The following DERL2 variants were observed in gnomAD, a reference collection of about 807,000 sequenced individuals.
DERL2 encodes the protein derlin-2.
A neutral mutation model predicts 32.0 loss-of-function variants in DERL2; 13 were observed. That is an observed-to-expected ratio of 0.41 (90% CI 0.26 to 0.65). DERL2 has a LOEUF of 0.65. DERL2 is among the 30% of genes least tolerant of loss of function. The probability of loss-of-function intolerance (pLI) is 0.35; values close to 1 mark genes in which losing one functional copy is unlikely to be tolerated. For missense variants in DERL2, 208 were observed against 296.3 expected, an observed-to-expected ratio of 0.70 and a Z score of 2.19; for synonymous variants, 111 against 104.7, an observed-to-expected ratio of 1.06 and a Z score of -0.37.
intron 3 of DERL2, chr17:5,482,285 C>A: frequency 6.4e-6 from 1 of 155,804 alleles, no homozygotes; most frequent in Non-Finnish European, 1.4e-5. Flanking sequence ...AGAGGAATGC[C>A]CTGCTCTGTG....
chr17:5,477,905 C>T (rs888131497), intron 6 of DERL2: 1 of 152,160 alleles, frequency 6.6e-6, no homozygotes, highest in African/African-American at 2.4e-5. Context: ...ACTCCAATAG[C>T]AATGAGCACA....
In DERL2 at chr17:5,480,594, C is replaced by T. The variant is rs777918719; in HGVS notation, c.328-12G>A. On this transcript the variant is annotated splice_polypyrimidine_tract_variant and intron_variant, in intron 4 of 6. Coordinates refer to ENST00000158771, the MANE Select transcript of DERL2 (RefSeq NM_016041.5). The stretch of plus-strand genomic sequence containing the variant: ...AACAGACCAAAAAGCTAGCAGATGG[C>T]ATTAAGGAAAATATCAACATTAAAA... 3 of 1,473,374 alleles carry T rather than the reference C, an allele frequency of 2.0e-6. No individual in the cohort carries two copies. Among genetic ancestry groups the T allele is most frequent in the Admixed American group, 5.3e-5 (2 of 37,758 alleles). 91.3% of individuals were successfully genotyped at this position (1,473,374 alleles called of 1,614,324 possible).
rs114203277 is a variant in DERL2 at position 5,475,219 on chromosome 17, C to G, written c.615-430G>C. On this transcript the variant is annotated intron_variant, in intron 6 of 6. Transcript: ENST00000158771. ...AAGGTATCACCCAAGTGTGCATCAA[C>G]AGGTGAATAAACAAAATACGGTACA... 4.5e-3 allele frequency among the ~76,000 whole-genome samples: 682 copies of G among 151,964 alleles called. 6 individuals are homozygous for G. The highest frequency in any genetic ancestry group is 0.016 in the African/African-American group (643 of 41,444).
upstream of DERL2, chr17:5,486,326 C>T (rs528515753): frequency 1.5e-4 from 74 of 485,330 alleles, no homozygotes; most frequent in African/African-American, 1.3e-3. Flanking sequence ...AAGGAACGCA[C>T]ATCCGCCAAT....
In DERL2 at chr17:5,474,359, C is replaced by T. The variant is rs147933478; in HGVS notation, c.*325G>A. On this transcript the variant is annotated 3_prime_UTR_variant, in exon 7 of 7. Transcript: ENST00000158771. This position sits in a 1 kb window ranked among gnomAD's most constrained non-coding sequence, Gnocchi z 4.3. The stretch of plus-strand genomic sequence containing the variant: ...GAAACTTCCATTTACACCATGGCCT[C>T]ATCTATCAAGAAGAGGAAGAAAAGG... 1 of 192,164 alleles carries T rather than the reference C, an allele frequency of 5.2e-6. No individual in the cohort carries two copies. Among genetic ancestry groups the T allele is most frequent in the Non-Finnish European group, 1.1e-5 (1 of 94,932 alleles). 11.9% of individuals were successfully genotyped at this position (192,164 alleles called of 1,614,324 possible). A position where few individuals can be genotyped will look rare whatever the true frequency, so the allele number is the denominator to read the frequency against.
chr17:5,483,208 T>C (rs1905913886), intron 2 of DERL2, among the ~76,000 whole-genome samples: 1 of 152,168 alleles, frequency 6.6e-6, no homozygotes, highest in Admixed American at 6.5e-5. Flanking sequence ...TGCTTTCATA[T>C]GTAGTATCAT....
At chr17:5,483,531 C>G (rs1346489843) in intron 2 of DERL2, among the ~76,000 whole-genome samples, 1 of 152,096 alleles carries the variant, frequency 6.6e-6, no homozygotes, top group African/African-American at 2.4e-5. Flanking sequence ...TACCCAACAT[C>G]TCCACACCCA....
At chr17:5,478,086 G>C (rs1319557385) in intron 6 of DERL2, 1 of 152,274 alleles carries the variant, frequency 6.6e-6, no homozygotes, top group South Asian at 2.1e-4. Flanking sequence ...AAAAAGTGGG[G>C]TGTAGTGGCT....
rs1351185658 is a variant in DERL2, at chr17:5,471,418, C to T, written c.*3266G>A. On this transcript the variant is annotated 3_prime_UTR_variant, in exon 7 of 7. Transcript: ENST00000158771. ...ATACATGTACCAGCTAGGAACAGTA[C>T]AAGACAATATATAATTTGGCGTTAA... 1 of 152,114 alleles carries T rather than the reference C, an allele frequency of 6.6e-6. No individual in the cohort carries two copies. Among genetic ancestry groups the T allele is most frequent in the Non-Finnish European group, 1.5e-5 (1 of 68,010 alleles). 9.4% of individuals were successfully genotyped at this position (152,114 alleles called of 1,614,324 possible). A position where few individuals can be genotyped will look rare whatever the true frequency, so the allele number is the denominator to read the frequency against.
chr17:5,486,388 T>G, upstream of DERL2: 1 of 407,978 alleles, frequency 2.5e-6, no homozygotes, highest in Non-Finnish European at 4.3e-6. Flanking sequence ...CCCCACCCTC[T>G]CTTCTCCACC....
At chr17:5,484,503 C>T (rs938822748) in intron 2 of DERL2, among the ~76,000 whole-genome samples, 2 of 152,288 alleles carry the variant, frequency 1.3e-5, no homozygotes, top group African/African-American at 2.4e-5. Context: ...CTGCCTCAGC[C>T]TCCCAAAGTG....
intron 2 of DERL2, among the ~76,000 whole-genome samples, chr17:5,483,605 A>G (rs56021803): frequency 0.017 from 2,657 of 152,292 alleles, 81 homozygotes; most frequent in African/African-American, 0.057. Context: ...CTTGTGATCC[A>G]CAGACAAGCA....
intron 2 of DERL2, 63 bp downstream of exon 2, chr17:5,485,088 C>A (rs1287972642): frequency 2.5e-6 from 3 of 1,213,496 alleles, no homozygotes; most frequent in Non-Finnish European, 3.5e-6. Context: ...ACAGGATTTG[C>A]TACTAAACAG....
Position 5,474,682 on chromosome 17 carries a change from C to T in DERL2, c.*2G>A. On this transcript the variant is annotated 3_prime_UTR_variant, in exon 7 of 7. Coordinates refer to ENST00000158771, the MANE Select transcript of DERL2 (RefSeq NM_016041.5). This position sits in a 1 kb window ranked among gnomAD's most constrained non-coding sequence, Gnocchi z 4.3. ...CTGGGTCTCATTATTGGCACTGCTG[C>T]TTTAACCTCCAAGCCGCTGGCCCTC... The T allele has an allele frequency of 6.2e-7, 1 of 1,609,058 alleles. No homozygotes were observed. The highest frequency in any genetic ancestry group is 1.3e-5 in the African/African-American group (1 of 74,650).
At chr17:5,482,464 A>T (rs533080827) in intron 3 of DERL2, 1 of 203,678 alleles carries the variant, frequency 4.9e-6, no homozygotes, top group Admixed American at 6.1e-5. Flanking sequence ...TTATGCCCAA[A>T]TTCTGCTGAA....
intron 6 of DERL2, chr17:5,478,128 A>G (rs1905508216): frequency 6.6e-6 from 1 of 152,230 alleles, no homozygotes; most frequent in Non-Finnish European, 1.5e-5. Context: ...TTGGGAGGCC[A>G]AGAGACAAGA....
chr17:5,479,827 A>G (rs1211711864), intron 6 of DERL2, among the ~76,000 whole-genome samples: 1 of 152,112 alleles, frequency 6.6e-6, no homozygotes, highest in Non-Finnish European at 1.5e-5. Flanking sequence ...TTACCAGGTT[A>G]CTCCCAAGAT....
Position 5,481,813 on chromosome 17 carries a change from CTATTTTTTG to C in DERL2, c.234-433_234-425del, listed in dbSNP as rs199886368. On this transcript the variant is annotated intron_variant, in intron 3 of 6. Transcript: ENST00000158771. The surrounding 1 kb of genome is among the most constrained non-coding windows in gnomAD (Gnocchi z 4.4). ...TACAGTTGTGTGCCACCATGCCAGG[CTATTTTTTG>C]TATTTTTAGTAGAGAGCAGGTTTCA... Among the ~76,000 whole-genome samples the C allele has an allele frequency of 0.018, 2,775 of 152,204 alleles. 42 individuals are homozygous for C. The highest frequency in any genetic ancestry group is 0.027 in the Non-Finnish European group (1,842 of 68,010).
chr17:5,482,067 C>G (rs1032953675), intron 3 of DERL2, among the ~76,000 whole-genome samples: 3 of 152,208 alleles, frequency 2.0e-5, no homozygotes, highest in Non-Finnish European at 2.9e-5. Flanking sequence ...CAGCAAGAAG[C>G]CTTGTGTGCT....
Sources: gnomAD v4.1 joint callset for allele counts (sites outside exome capture counted in the v4.1 genomes callset) on GRCh38, gnomAD v4.1.1 for gene constraint, Gnocchi (gnomAD v3.1) non-coding constraint, MANE v1.5 for transcripts, NCBI Gene and HGNC (gene_info 2026-07-23, HGNC 2026-07-21) for gene names.